The following EVL variants were observed in gnomAD, a reference collection of about 807,000 sequenced individuals.
EVL encodes ena/VASP-like protein.
Under a neutral mutation model 59.6 loss-of-function variants are expected in EVL, and 21 were observed. The observed-to-expected ratio is 0.35, with a 90% CI of 0.25 to 0.51. The LOEUF is 0.51. Ranked by LOEUF, EVL falls within the 20% of genes least tolerant of loss-of-function variation. The pLI, the probability that EVL is intolerant of heterozygous loss-of-function variation, is 0.97. For missense variants in EVL, 462 were observed against 546.6 expected (o/e 0.85, Z 1.54); for synonymous variants, 198 against 203.5 (o/e 0.97, Z 0.23).
rs565113043 is a variant in EVL, at chr14:100,128,620, A to G, written c.589A>G (p.Thr197Ala). The change falls in exon 6 of 14, where the codon ACT (threonine) becomes GCT (alanine). Residue 197 changes from threonine (T) to alanine (A), a missense_variant. Coordinates refer to ENST00000392920, the MANE Select transcript of EVL (RefSeq NM_016337.3). ...PPPPPVPPPPTGATPPPPPPL... is the reference protein window; with the variant it reads ...PPPPPVPPPPAGATPPPPPPL... The stretch of plus-strand genomic sequence containing the variant: ...CCCACCCCCAGTCCCACCTCCACCC[A>G]CTGGGGCTACCCCACCTCCCCCACC... The G allele has an allele frequency of 2.7e-6, 2 of 728,674 alleles. No individual in the cohort carries two copies. The highest frequency in any genetic ancestry group is 9.1e-5 in the Admixed American group (2 of 21,954). The allele number at this position is 728,674 out of a possible 1,614,324, so 45.1% of individuals were successfully genotyped here. A position where few individuals can be genotyped will look rare whatever the true frequency, so the allele number is the denominator to read the frequency against.
chr14:100,095,370 T>C (rs1207678199), intron 2 of EVL, among the ~76,000 whole-genome samples: 2 of 152,240 alleles, frequency 1.3e-5, no homozygotes, highest in East Asian at 3.8e-4. Flanking sequence ...CAGGGCAGAA[T>C]GGAGCAGGTT....
intron 1 of EVL, among the ~76,000 whole-genome samples, chr14:99,981,642 G>A (rs989763573): frequency 1.3e-5 from 2 of 152,168 alleles, no homozygotes; most frequent in African/African-American, 4.8e-5. Flanking sequence ...CAAGTCACAT[G>A]AATTTTTTTG....
At chr14:99,990,709 A>C (rs564735394) in intron 1 of EVL, among the ~76,000 whole-genome samples, 4 of 151,848 alleles carry the variant, frequency 2.6e-5, no homozygotes, top group African/African-American at 7.3e-5. Flanking sequence ...ATTATACTCT[A>C]TATATATATA....
chr14:99,992,058 T>A (rs2060879275), intron 1 of EVL, among the ~76,000 whole-genome samples: 1 of 151,842 alleles, frequency 6.6e-6, no homozygotes, highest in Non-Finnish European at 1.5e-5. Context: ...GCTATACCAT[T>A]TCACACTTCC....
chr14:100,141,072 A>G lies in EVL; in HGVS notation c.1095-108A>G, dbSNP rs1025579355. On this transcript the variant is annotated intron_variant, in intron 11 of 13. Transcript: ENST00000392920. ...CCAGAGTCTGAAGCAAGCAGCCTCT[A>G]TGGAGCGAGGGGAGCAGGTGGGCCC... 13 of 1,047,404 alleles carry G rather than the reference A, an allele frequency of 1.2e-5. No individual in the cohort carries two copies. The African/African-American group carries it at 1.4e-4, about 12-fold the overall frequency. The allele number at this position is 1,047,404 out of a possible 1,614,324, so 64.9% of individuals were successfully genotyped here. A position where few individuals can be genotyped will look rare whatever the true frequency, so the allele number is the denominator to read the frequency against.
chr14:100,125,297 A>G (rs8016282), intron 4 of EVL, among the ~76,000 whole-genome samples: 118,888 of 148,268 alleles, frequency 0.8, 48,064 homozygotes, highest in African/African-American at 0.9. Flanking sequence ...CACACACGGC[A>G]GGGAGACTCT....
At position 100,083,241 on chromosome 14, in the gene EVL, G is replaced by A. The variant is rs115067691; in HGVS notation, c.12-1446G>A. On this transcript the variant is annotated intron_variant, in intron 1 of 13. Transcript: ENST00000392920. ...ACACACCTACTTGTCGACTGTCACA[G>A]TTAGCAACTGAGTGTACCAGAAGCA... 6.8e-3 allele frequency among the ~76,000 whole-genome samples: 1,043 copies of A among 152,292 alleles called. 11 individuals carry two copies. Among genetic ancestry groups the A allele is most frequent in the African/African-American group, 0.024 (998 of 41,556 alleles).
At chr14:100,142,936 G>C (rs533446498) in intron 13 of EVL, among the ~76,000 whole-genome samples, 1 of 151,874 alleles carries the variant, frequency 6.6e-6, no homozygotes, top group Non-Finnish European at 1.5e-5. Context: ...CTGAGAGCCC[G>C]GGGGTAGGCA....
intron 2 of EVL, among the ~76,000 whole-genome samples, chr14:100,095,884 T>C (rs1885775124): frequency 6.6e-6 from 1 of 152,100 alleles, no homozygotes. Flanking sequence ...CCCACCACCA[T>C]TCTCGGCTTA....
At chr14:100,113,750 G>T (rs1887151337) in intron 3 of EVL, among the ~76,000 whole-genome samples, 1 of 152,166 alleles carries the variant, frequency 6.6e-6, no homozygotes, top group African/African-American at 2.4e-5. Context: ...GGGAATGATG[G>T]TGTATTCCTG....
chr14:99,972,893 A>G lies in EVL; in HGVS notation c.5+836A>G, dbSNP rs2060744786. On this transcript the variant is annotated intron_variant, in intron 1 of 13. Transcript: ENST00000402714. The surrounding 1 kb of genome is among the most constrained non-coding windows in gnomAD (Gnocchi z 4.4). Reference sequence around the variant, plus strand: ...TATAGTTTCGTTTTGCCTGTTTTGTATTATTTATGACAATGAAATAATACA... The same window carrying G: ...TATAGTTTCGTTTTGCCTGTTTTGTGTTATTTATGACAATGAAATAATACA... Among the ~76,000 whole-genome samples the G allele has an allele frequency of 6.6e-6, 1 of 151,218 alleles. No individual in the cohort carries two copies. Among genetic ancestry groups the G allele is most frequent in the Non-Finnish European group, 1.5e-5 (1 of 67,870 alleles).
At chr14:100,121,499 G>A (rs886391735) in intron 3 of EVL, among the ~76,000 whole-genome samples, 3 of 152,166 alleles carry the variant, frequency 2.0e-5, no homozygotes, top group Admixed American at 6.5e-5. Flanking sequence ...CATTTTCTTC[G>A]TTTAAGAAGA....
In EVL at chr14:100,135,880, C is replaced by G. The variant is rs774112445; in HGVS notation, c.901-25C>G. On this transcript the variant is annotated intron_variant, in intron 8 of 13. Transcript: ENST00000392920. ...CCTGGCCCCAGGTGGCCTTCCTAAACAGACTCCCTTCTTCTCCATTTTAGG... is the reference window on the plus strand; with the variant it reads ...CCTGGCCCCAGGTGGCCTTCCTAAAGAGACTCCCTTCTTCTCCATTTTAGG... The G allele has an allele frequency of 2.0e-5, 32 of 1,613,350 alleles. No homozygotes were observed. The African/African-American group carries it at 3.3e-4, about 17-fold the overall frequency.
chr14:100,018,110 C>T (rs1438609784), intron 1 of EVL, among the ~76,000 whole-genome samples: 1 of 152,270 alleles, frequency 6.6e-6, no homozygotes, highest in Non-Finnish European at 1.5e-5. Flanking sequence ...TAACTTCACA[C>T]ATTCCTGTCC....
intron 1 of EVL, among the ~76,000 whole-genome samples, chr14:100,019,991 T>C (rs1566970854): frequency 6.6e-6 from 1 of 152,216 alleles, no homozygotes. Flanking sequence ...GAATACAGAA[T>C]AGCAACTGTG....
intron 1 of EVL, chr14:100,066,301 A>T (rs970475099): frequency 6.6e-5 from 10 of 152,180 alleles, no homozygotes; most frequent in African/African-American, 2.4e-4. Context: ...TGAATCTTTT[A>T]GCCGTGTTAG....
chr14:100,098,694 G>A (rs1178693916), intron 3 of EVL, among the ~76,000 whole-genome samples: 1 of 152,178 alleles, frequency 6.6e-6, no homozygotes, highest in Non-Finnish European at 1.5e-5. Flanking sequence ...TCCTGCCATC[G>A]GCTGGAGAGC....
intron 4 of EVL, 123 bp downstream of exon 4, chr14:100,123,725 C>A (rs1411000600): frequency 5.2e-6 from 5 of 963,314 alleles, no homozygotes; most frequent in Non-Finnish European, 8.0e-6. Context: ...GCATACACTG[C>A]GGGAGGGTGC....
intron 1 of EVL, among the ~76,000 whole-genome samples, chr14:100,033,224 A>G (rs957108340): frequency 6.6e-6 from 1 of 152,248 alleles, no homozygotes; most frequent in Admixed American, 6.5e-5. Flanking sequence ...AAGTCCTTAC[A>G]TATATAAATT....
Sources: allele counts gnomAD v4.1 joint callset (sites outside exome capture counted in the v4.1 genomes callset), GRCh38; gene constraint gnomAD v4.1.1; non-coding constraint Gnocchi (gnomAD v3.1); transcripts MANE v1.5; gene names NCBI Gene and HGNC (gene_info 2026-07-23, HGNC 2026-07-21).